CRPPA: variants seen among roughly 807,000 people sequenced by gnomAD.
The protein encoded by CRPPA is D-ribitol-5-phosphate cytidylyltransferase.
CRPPA carries 43 observed loss-of-function variants against 52.0 expected under a neutral mutation model. The observed-to-expected ratio is 0.83, with a 90% CI of 0.65 to 1.07. The LOEUF is 1.07. Among genes scored for constraint, CRPPA ranks in the 50% least tolerant of loss-of-function variants. CRPPA has a pLI of 0.00. For synonymous variants in CRPPA, 250 were observed against 203.5 expected, an observed-to-expected ratio of 1.23 and a Z score of -1.94; for missense variants, 629 against 551.7, an observed-to-expected ratio of 1.14 and a Z score of -1.40.
At chr7:16,323,237 T>TA (rs1030128901) in intron 3 of CRPPA, among the ~76,000 whole-genome samples, 1 of 152,184 alleles carries the variant, frequency 6.6e-6, no homozygotes, top group African/African-American at 2.4e-5. Context: ...CCTGGGATAT[T>TA]ATGCAGCATA....
At chr7:16,295,562 T>C (rs1331912259) in intron 5 of CRPPA, among the ~76,000 whole-genome samples, 2 of 152,086 alleles carry the variant, frequency 1.3e-5, no homozygotes, top group Non-Finnish European at 2.9e-5. Flanking sequence ...CAATATTGAA[T>C]ATATTAAGTA....
chr7:16,120,989 T>C (rs1337429089), intron 9 of CRPPA, among the ~76,000 whole-genome samples: 1 of 152,006 alleles, frequency 6.6e-6, no homozygotes, highest in East Asian at 1.9e-4. Flanking sequence ...TCATCACTGA[T>C]CTTAAGAAAA....
intron 6 of CRPPA, among the ~76,000 whole-genome samples, chr7:16,275,342 G>T (rs1227280886): frequency 6.6e-6 from 1 of 152,048 alleles, no homozygotes; most frequent in Non-Finnish European, 1.5e-5. Flanking sequence ...TGGGGGTCTG[G>T]GTCCAAAGCA....
intron 2 of CRPPA, among the ~76,000 whole-genome samples, chr7:16,379,305 T>C (rs368648050): frequency 6.6e-6 from 1 of 152,214 alleles, no homozygotes. Context: ...GTTGTAGATA[T>C]GTGGCATTAT....
intron 6 of CRPPA, among the ~76,000 whole-genome samples, chr7:16,261,711 T>C (rs970436813): frequency 3.3e-5 from 5 of 152,066 alleles, no homozygotes; most frequent in African/African-American, 1.2e-4. Flanking sequence ...CTGCAATCAC[T>C]GTGCCACTAT....
chr7:16,233,297 A>T (rs1418033613), intron 8 of CRPPA, among the ~76,000 whole-genome samples: 1 of 152,130 alleles, frequency 6.6e-6, no homozygotes, highest in Non-Finnish European at 1.5e-5. Context: ...AGACATTCCT[A>T]ATTGAATGAA....
In CRPPA at chr7:16,217,861, A is replaced by C. The variant is rs575735608; in HGVS notation, c.1120-1664T>G. Among the ~76,000 whole-genome samples, 579 of 151,874 alleles carry C rather than the reference A, an allele frequency of 3.8e-3. 2 individuals carry two copies. The highest frequency in any genetic ancestry group is 9.4e-3 in the African/African-American group (386 of 41,280). The stretch of plus-strand genomic sequence containing the variant: ...GGGAGAATGGAACCAAGTTGGAAAA[A>C]ACTCTGCAGGATATTATCCAGGAGA... On this transcript the variant is annotated intron_variant, in intron 8 of 9. Transcript: ENST00000407010.
Position 16,341,863 on chromosome 7 carries a change from T to C in CRPPA, c.685-33236A>G, listed in dbSNP as rs139593201. On this transcript the variant is annotated intron_variant, in intron 3 of 9. Coordinates refer to ENST00000407010, the MANE Select transcript of CRPPA (RefSeq NM_001101426.4). ...AAAATTAGCTTTTCCACTATTTCTG[T>C]AGAATCTGCTGTCTAACTTCCCTCC... Among the ~76,000 whole-genome samples the C allele has an allele frequency of 7.2e-5, 11 of 152,334 alleles. No homozygotes were observed. The East Asian group carries it at 1.9e-3, about 27-fold the overall frequency.
intron 5 of CRPPA, among the ~76,000 whole-genome samples, chr7:16,279,519 A>C (rs1397621422): frequency 6.6e-6 from 1 of 152,204 alleles, no homozygotes; most frequent in African/African-American, 2.4e-5. Flanking sequence ...AAAAAAATAA[A>C]TCTGTAATTC....
chr7:16,096,600 CAG>C (rs1418799201), intron 9 of CRPPA, among the ~76,000 whole-genome samples: 1 of 151,984 alleles, frequency 6.6e-6, no homozygotes. Context: ...CACTTCATAA[CAG>C]TGTCAATTTT....
At position 16,339,101 on chromosome 7, in the gene CRPPA, G is replaced by A. The variant is rs118038780; in HGVS notation, c.685-30474C>T. ...ATTACAGGCGTGAGCCACCGTACCC[G>A]GCCTCTAGCAAACTTTTAAGGAAGA... On this transcript the variant is annotated intron_variant, in intron 3 of 9. Transcript: ENST00000407010. 3.9e-4 allele frequency among the ~76,000 whole-genome samples: 59 copies of A among 152,084 alleles called. No individual in the cohort carries two copies. The East Asian group carries it at 0.011, about 28-fold the overall frequency.
intron 5 of CRPPA, among the ~76,000 whole-genome samples, chr7:16,300,176 T>A (rs1415406891): frequency 6.6e-6 from 1 of 152,218 alleles, no homozygotes; most frequent in Non-Finnish European, 1.5e-5. Context: ...TAAAACAACA[T>A]ATCCTTGAAG....
At chr7:16,350,545 A>C (rs1786121923) in intron 3 of CRPPA, among the ~76,000 whole-genome samples, 1 of 152,176 alleles carries the variant, frequency 6.6e-6, no homozygotes, top group African/African-American at 2.4e-5. Flanking sequence ...TATCAACTTA[A>C]AATAGCCTGT....
chr7:16,268,071 T>C (rs1296851768), intron 6 of CRPPA, among the ~76,000 whole-genome samples: 2 of 152,036 alleles, frequency 1.3e-5, no homozygotes, highest in African/African-American at 4.8e-5. Flanking sequence ...CAACTGTATA[T>C]AGAAGTATAA....
chr7:16,209,345 C>A lies in CRPPA; in HGVS notation c.1251+6721G>T, dbSNP rs76451754. The A allele has an allele frequency of 3.2e-3, 524 of 164,174 alleles. 2 individuals carry two copies. Among genetic ancestry groups the A allele is most frequent in the African/African-American group, 0.012 (495 of 40,940 alleles). The allele number at this position is 164,174 out of a possible 1,614,324, so 10.2% of individuals were successfully genotyped here. A position where few individuals can be genotyped will look rare whatever the true frequency, so the allele number is the denominator to read the frequency against. ...GGAGGGCAGTGGCAATCTCGGCTCA[C>A]TGCAGCCTCTACTTCCCAGGGATTC... On this transcript the variant is annotated intron_variant, in intron 9 of 9. Transcript: ENST00000407010.
At chr7:16,298,314 G>A (rs1331860299) in intron 5 of CRPPA, among the ~76,000 whole-genome samples, 1 of 152,026 alleles carries the variant, frequency 6.6e-6, no homozygotes, top group Non-Finnish European at 1.5e-5. Context: ...AAGGGAATTT[G>A]TACAATCTCT....
intron 8 of CRPPA, among the ~76,000 whole-genome samples, chr7:16,227,159 C>G (rs1231287325): frequency 2.0e-5 from 3 of 151,878 alleles, no homozygotes; most frequent in Non-Finnish European, 4.4e-5. Context: ...TAGGTTGATT[C>G]CATATCCTAG....
At chr7:16,363,906 A>T (rs545593104) in intron 3 of CRPPA, among the ~76,000 whole-genome samples, 1 of 152,332 alleles carries the variant, frequency 6.6e-6, no homozygotes, top group South Asian at 2.1e-4. Context: ...AAAATACTGT[A>T]AGAGCAAATG....
chr7:16,207,436 C>T (rs747217478), intron 9 of CRPPA, among the ~76,000 whole-genome samples: 4 of 152,300 alleles, frequency 2.6e-5, no homozygotes, highest in African/African-American at 4.8e-5. Flanking sequence ...CAAGCATGAA[C>T]GTGATGCTCT....
Sources: allele counts gnomAD v4.1 joint callset (sites outside exome capture counted in the v4.1 genomes callset), GRCh38; gene constraint gnomAD v4.1.1; transcripts MANE v1.5; gene names NCBI Gene and HGNC (gene_info 2026-07-23, HGNC 2026-07-21).